Variants in SCUBE3 observed in about 807,000 individuals in gnomAD.
SCUBE3 encodes signal peptide, CUB and EGF-like domain-containing protein 3.
SCUBE3 carries 33 observed loss-of-function variants against 116.8 expected under a neutral mutation model. The ratio of observed to expected loss-of-function variants is 0.28; its 90% CI spans 0.21 to 0.38. SCUBE3 has a LOEUF of 0.38. Among genes scored for constraint, SCUBE3 ranks in the 10% least tolerant of loss-of-function variants. The probability of loss-of-function intolerance (pLI) is 1.00; values close to 1 mark genes in which losing one functional copy is unlikely to be tolerated. For missense variants in SCUBE3, 1,007 were observed against 1,324.8 expected (o/e 0.76, Z 3.72); for synonymous variants, 418 against 496.9 (o/e 0.84, Z 2.11).
intron 20 of SCUBE3, 35 bp from the exon 21 acceptor site, chr6:35,246,171 C>G (rs759265856): frequency 1.9e-6 from 3 of 1,611,236 alleles, no homozygotes; most frequent in Non-Finnish European, 2.5e-6. Context: ...GAAGAGCTCC[C>G]GCCCCTGAGC....
chr6:35,235,818 A>C lies in SCUBE3; in HGVS notation c.713-2084A>C, dbSNP rs1408957801. On this transcript the variant is annotated intron_variant, in intron 6 of 21. Coordinates refer to ENST00000274938, the MANE Select transcript of SCUBE3 (RefSeq NM_152753.4). The surrounding 1 kb of genome is among the most constrained non-coding windows in gnomAD (Gnocchi z 4.5). ...AGCCATCTGCTCCCCACCCCCCTCT[A>C]CCCAGCCAGCCTCATCTTCCCTGTC... Among the ~76,000 whole-genome samples, 1 of 143,114 alleles carries C rather than the reference A, an allele frequency of 7.0e-6. No individual in the cohort carries two copies. Among genetic ancestry groups the C allele is most frequent in the Non-Finnish European group, 1.5e-5 (1 of 65,878 alleles). 93.9% of individuals were successfully genotyped at this position (143,114 alleles called of 152,430 possible).
At chr6:35,226,480 CTTTTTTT>C (rs764779695) in intron 1 of SCUBE3, among the ~76,000 whole-genome samples, 1 of 85,204 alleles carries the variant, frequency 1.2e-5, no homozygotes, top group Non-Finnish European at 2.0e-5. Flanking sequence ...TTTCTATGTC[CTTTTTTT>C]TTTTTTTTTT....
At position 35,249,928 on chromosome 6, in the gene SCUBE3, C is replaced by T. The variant is rs555472947; in HGVS notation, c.*1223C>T. 1 of 152,762 alleles carries T rather than the reference C, an allele frequency of 6.5e-6. No individual in the cohort carries two copies. The highest frequency in any genetic ancestry group is 6.5e-5 in the Admixed American group (1 of 15,304). The allele number at this position is 152,762 out of a possible 1,614,324, so 9.5% of individuals were successfully genotyped here. A position where few individuals can be genotyped will look rare whatever the true frequency, so the allele number is the denominator to read the frequency against. On this transcript the variant is annotated 3_prime_UTR_variant, in exon 22 of 22. Transcript: ENST00000274938. The stretch of plus-strand genomic sequence containing the variant: ...GTCTAGACGGAGGGGTTTTTGTTTT[C>T]TGGGTTTGTTTTTTGTTTTTGTTTC...
rs190285570 is a variant in SCUBE3 at position 35,235,965 on chromosome 6, T to C, written c.713-1937T>C. ...AGTCCCAGCATCACTCACCATTCTC[T>C]CCTACCGTAATGGCTAAGAGCATGG... On this transcript the variant is annotated intron_variant, in intron 6 of 21. Transcript: ENST00000274938. This position sits in a 1 kb window ranked among gnomAD's most constrained non-coding sequence, Gnocchi z 4.5. Among the ~76,000 whole-genome samples, 1 of 152,048 alleles carries C rather than the reference T, an allele frequency of 6.6e-6. No homozygotes were observed. The highest frequency in any genetic ancestry group is 1.5e-5 in the Non-Finnish European group (1 of 68,006).
chr6:35,246,154 A>T (rs2150316104), intron 20 of SCUBE3, 52 bp from the exon 21 acceptor site: 1 of 1,611,568 alleles, frequency 6.2e-7, no homozygotes, highest in East Asian at 2.2e-5. Flanking sequence ...GGGAACCAGG[A>T]GAGCAGGAAG....
chr6:35,233,085 T>TG lies in SCUBE3; in HGVS notation c.596-95dup, dbSNP rs1783617441. 1 of 1,498,886 alleles carries TG rather than the reference T, an allele frequency of 6.7e-7. No homozygotes were observed. The highest frequency in any genetic ancestry group is 9.2e-7 in the Non-Finnish European group (1 of 1,084,776). The allele number at this position is 1,498,886 out of a possible 1,614,324, so 92.8% of individuals were successfully genotyped here. A position where few individuals can be genotyped will look rare whatever the true frequency, so the allele number is the denominator to read the frequency against. On this transcript the variant is annotated intron_variant, in intron 5 of 21. Coordinates refer to ENST00000274938, the MANE Select transcript of SCUBE3 (RefSeq NM_152753.4). The surrounding 1 kb of genome is among the most constrained non-coding windows in gnomAD (Gnocchi z 5.7). Reference sequence around the variant, plus strand: ...ACAGGGCTGGGAGGAAAAGGGAGTATGGGGGAGGCAACTAGGCAAGGGGGC... The same window carrying TG: ...ACAGGGCTGGGAGGAAAAGGGAGTATGGGGGGAGGCAACTAGGCAAGGGGGC...
rs574836524 is a variant in SCUBE3, at chr6:35,240,187, G to T, written c.953-187G>T. ...CAGATCTTGCAGTTCCTAATTCCAA[G>T]GACTTCAAATAGAGGGGGCAGAGAA... is the stretch of plus-strand genomic sequence containing the variant. On this transcript the variant is annotated intron_variant, in intron 8 of 21. Transcript: ENST00000274938. The surrounding 1 kb of genome is among the most constrained non-coding windows in gnomAD (Gnocchi z 4.6). Among the ~76,000 whole-genome samples the T allele has an allele frequency of 2.1e-4, 32 of 152,254 alleles. No homozygotes were observed. The South Asian group carries it at 6.6e-3, about 32-fold the overall frequency.
chr6:35,226,515 C>T (rs994597266), intron 1 of SCUBE3, among the ~76,000 whole-genome samples: 6 of 95,240 alleles, frequency 6.3e-5, no homozygotes, highest in Non-Finnish European at 1.1e-4. Context: ...GATAGAGTCT[C>T]ACTGTCGCCC....
chr6:35,216,157 T>C (rs1782883646), intron 1 of SCUBE3, among the ~76,000 whole-genome samples: 1 of 152,228 alleles, frequency 6.6e-6, no homozygotes, highest in African/African-American at 2.4e-5. Context: ...CAGGGGCAGA[T>C]GGAGACCCCT....
intron 21 of SCUBE3, 107 bp downstream of exon 21, chr6:35,246,392 T>A: frequency 1.2e-6 from 1 of 816,738 alleles, no homozygotes; most frequent in Non-Finnish European, 2.0e-6. Flanking sequence ...ATAGACACAA[T>A]AGCTCTATGA....
At position 35,249,506 on chromosome 6, in the gene SCUBE3, CAGAA is replaced by C. The variant is rs949559214; in HGVS notation, c.*807_*810del. 2 of 152,176 alleles carry C rather than the reference CAGAA, an allele frequency of 1.3e-5. No individual in the cohort carries two copies. Among genetic ancestry groups the C allele is most frequent in the Non-Finnish European group, 2.9e-5 (2 of 68,048 alleles). The allele number at this position is 152,176 out of a possible 1,614,324, so 9.4% of individuals were successfully genotyped here. ...TAAAGCATTGCCAAAAAAAAGAAAA[CAGAA>C]AGAAAAAATGTATCATCTAAAGGAC... On this transcript the variant is annotated 3_prime_UTR_variant, in exon 22 of 22. Transcript: ENST00000274938.
At position 35,245,164 on chromosome 6, in the gene SCUBE3, C is replaced by A; in HGVS notation, c.2402-64C>A. On this transcript the variant is annotated intron_variant, in intron 18 of 21. Transcript: ENST00000274938. This position sits in a 1 kb window ranked among gnomAD's most constrained non-coding sequence, Gnocchi z 4.2. ...TCTACTTCAGAACTCTTCAATTCCC[C>A]CAGCACACTTCCCCACTGACTTCCC... The A allele has an allele frequency of 6.9e-7, 1 of 1,457,220 alleles. No individual in the cohort carries two copies. 90.3% of individuals were successfully genotyped at this position (1,457,220 alleles called of 1,614,324 possible).
chr6:35,214,148 G>T lies in SCUBE3; in HGVS notation c.-271G>T, dbSNP rs1782788169. ...TGGCAGAGGCCGGCTTGGAGAGGGCGGGGGTTCCCCTCCGTCAGTCGCCCC... is the reference window on the plus strand; with the variant it reads ...TGGCAGAGGCCGGCTTGGAGAGGGCTGGGGTTCCCCTCCGTCAGTCGCCCC... On this transcript the variant is annotated 5_prime_UTR_variant, in exon 1 of 22. Coordinates refer to ENST00000274938, the MANE Select transcript of SCUBE3 (RefSeq NM_152753.4). The surrounding 1 kb of genome is among the most constrained non-coding windows in gnomAD (Gnocchi z 6.3). 1.3e-5 allele frequency among the ~76,000 whole-genome samples: 2 copies of T among 152,154 alleles called. No homozygotes were observed. Among genetic ancestry groups the T allele is most frequent in the Non-Finnish European group, 2.9e-5 (2 of 68,016 alleles).
rs577676320 is a variant in SCUBE3, at chr6:35,238,084, T to C, written c.829+66T>C. 4 of 900,908 alleles carry C rather than the reference T, an allele frequency of 4.4e-6. No individual in the cohort carries two copies. The African/African-American group carries it at 4.9e-5, about 11-fold the overall frequency. 55.8% of individuals were successfully genotyped at this position (900,908 alleles called of 1,614,324 possible). On this transcript the variant is annotated intron_variant, in intron 7 of 21. Coordinates refer to ENST00000274938, the MANE Select transcript of SCUBE3 (RefSeq NM_152753.4). ...AAGGGGCTGAGGTTGGGACCAGAGA[T>C]AGGGTGCCTATTAGGGGATGACACC...
rs556196333 is a variant in SCUBE3 at position 35,250,078 on chromosome 6, A to G, written c.*1373A>G. 2.6e-5 allele frequency: 4 copies of G among 152,686 alleles called. No individual in the cohort carries two copies. Among genetic ancestry groups the G allele is most frequent in the East Asian group, 1.9e-4 (1 of 5,184 alleles). 9.5% of individuals were successfully genotyped at this position (152,686 alleles called of 1,614,324 possible). A position where few individuals can be genotyped will look rare whatever the true frequency, so the allele number is the denominator to read the frequency against. On this transcript the variant is annotated 3_prime_UTR_variant, in exon 22 of 22. Transcript: ENST00000274938. ...GTGCTGGAGCATCTGATCTGTCTCTATGCCACCACTGGCCACCTAGAGCCC... is the reference window on the plus strand; with the variant it reads ...GTGCTGGAGCATCTGATCTGTCTCTGTGCCACCACTGGCCACCTAGAGCCC...
intron 6 of SCUBE3, among the ~76,000 whole-genome samples, chr6:35,234,365 A>G (rs920377977): frequency 1.3e-5 from 2 of 152,168 alleles, no homozygotes; most frequent in African/African-American, 4.8e-5. Context: ...TAACTGAGGA[A>G]CTAGACTTTC....
At chr6:35,247,362 G>A (rs1198406574) in intron 21 of SCUBE3, among the ~76,000 whole-genome samples, 2 of 151,252 alleles carry the variant, frequency 1.3e-5, no homozygotes, top group Non-Finnish European at 2.9e-5. Context: ...TGCTTGGACC[G>A]GGGAGGCAGA....
intron 6 of SCUBE3, among the ~76,000 whole-genome samples, chr6:35,236,732 C>T (rs533961862): frequency 6.6e-6 from 1 of 152,270 alleles, no homozygotes; most frequent in South Asian, 2.1e-4. Context: ...GACAGTACAT[C>T]CAGTACTGGT....
In SCUBE3 at chr6:35,228,118, A is replaced by G. The variant is rs1562045786; in HGVS notation, c.208+416A>G. On this transcript the variant is annotated intron_variant, in intron 2 of 21. Transcript: ENST00000274938. This position sits in a 1 kb window ranked among gnomAD's most constrained non-coding sequence, Gnocchi z 4.9. ...TCATAATTAAATCAATGCAAATTAA[A>G]GTAGCCTTGAGATATTAAATTTATG... Among the ~76,000 whole-genome samples the G allele has an allele frequency of 6.6e-6, 1 of 152,266 alleles. No homozygotes were observed. The highest frequency in any genetic ancestry group is 2.1e-4 in the South Asian group (1 of 4,832).
Sources: allele counts gnomAD v4.1 joint callset (sites outside exome capture counted in the v4.1 genomes callset), GRCh38; gene constraint gnomAD v4.1.1; non-coding constraint Gnocchi (gnomAD v3.1); transcripts MANE v1.5; gene names NCBI Gene and HGNC (gene_info 2026-07-23, HGNC 2026-07-21).